Variants in XBP1 observed in about 807,000 individuals in gnomAD.
XBP1 encodes X-box binding protein 1, also known as X-box-binding protein 1.
A neutral mutation model predicts 34.6 loss-of-function variants in XBP1; 18 were observed. That is an observed-to-expected ratio of 0.52 (90% CI 0.36 to 0.77). The LOEUF (loss-of-function observed/expected upper bound fraction) is 0.77, where lower values mean the gene tolerates loss of function less well. XBP1 is among the 30% of genes least tolerant of loss of function. The pLI, the probability that XBP1 is intolerant of heterozygous loss-of-function variation, is 0.00. For synonymous variants in XBP1, 191 were observed against 193.4 expected (o/e 0.99, Z 0.11); for missense variants, 422 against 464.6 (o/e 0.91, Z 0.84).
exon 6 of XBP1, chr22:28,795,659 G>C (rs766130830): frequency 6.2e-7 from 1 of 1,600,242 alleles, no homozygotes; most frequent in Admixed American, 1.7e-5. Context: ...CTCCAGGCTG[G>C]CAGGCTCTGG....
intron 2 of XBP1, 110 bp downstream of exon 2, chr22:28,798,947 A>G (rs1266590521): frequency 2.4e-6 from 2 of 826,990 alleles, no homozygotes; most frequent in Admixed American, 2.5e-5. Context: ...CATATATTCA[A>G]TTGTATTCTA....
chr22:28,799,583 A>G (rs540662777), intron 1 of XBP1, among the ~76,000 whole-genome samples: 2 of 152,232 alleles, frequency 1.3e-5, no homozygotes, highest in East Asian at 1.9e-4. Flanking sequence ...CCCCAGTCCA[A>G]TTTAGAAAAG....
At chr22:28,795,274 G>A (rs1173629878) in exon 6 of XBP1, 6 of 1,551,856 alleles carry the variant, frequency 3.9e-6, no homozygotes, top group Non-Finnish European at 5.2e-6. Flanking sequence ...ATGGGGAAAG[G>A]GAACCCCCGT....
chr22:28,795,086 G>T (rs1387308555), downstream of XBP1: 2 of 1,307,098 alleles, frequency 1.5e-6, no homozygotes, highest in Non-Finnish European at 2.1e-6. Flanking sequence ...CTCTATTTTG[G>T]CTTTTTGAAT....
chr22:28,795,926 T>C (rs1488306449), intron 5 of XBP1, 121 bp downstream of exon 5: 1 of 1,378,080 alleles, frequency 7.3e-7, no homozygotes, highest in East Asian at 2.3e-5. Context: ...TAGTTGATGT[T>C]CACCTCCAAC....
chr22:28,794,978 A>G (rs2031716569), downstream of XBP1: 4 of 429,810 alleles, frequency 9.3e-6, no homozygotes, highest in Non-Finnish European at 1.2e-5. Context: ...TTCCAGTAAT[A>G]TGTCTCAATA....
At position 28,797,302 on chromosome 22, in the gene XBP1, T is replaced by A; in HGVS notation, c.325-97A>T. On this transcript the variant is annotated intron_variant, in intron 2 of 5. Coordinates refer to ENST00000344347, the Ensembl canonical transcript of XBP1. Reference sequence around the variant, plus strand: ...AATTGGTTTCCTTTCCTTCTTGAACTTTTGGAAAACTCTATGCTTGTGGTG... The same window carrying A: ...AATTGGTTTCCTTTCCTTCTTGAACATTTGGAAAACTCTATGCTTGTGGTG... 2.1e-6 allele frequency: 3 copies of A among 1,420,496 alleles called. No individual in the cohort carries two copies. The South Asian group carries it at 3.8e-5, about 18-fold the overall frequency. The allele number at this position is 1,420,496 out of a possible 1,614,324, so 88.0% of individuals were successfully genotyped here. A position where few individuals can be genotyped will look rare whatever the true frequency, so the allele number is the denominator to read the frequency against.
chr22:28,798,123 T>C (rs1403629235), intron 2 of XBP1, among the ~76,000 whole-genome samples: 2 of 152,296 alleles, frequency 1.3e-5, no homozygotes, highest in East Asian at 3.9e-4. Flanking sequence ...CCAGGAAGAA[T>C]GTAAAGTTTA....
chr22:28,799,864 G>C (rs1055937791), intron 1 of XBP1: 3 of 689,776 alleles, frequency 4.3e-6, no homozygotes, highest in Non-Finnish European at 5.4e-6. Context: ...AGCTAGACCA[G>C]TGAGCCTCGC....
At chr22:28,799,679 A>T (rs1164705727) in intron 1 of XBP1, among the ~76,000 whole-genome samples, 2 of 151,634 alleles carry the variant, frequency 1.3e-5, no homozygotes, top group Admixed American at 1.3e-4. Flanking sequence ...TGGAGGAGAC[A>T]CTTTTTTTTT....
chr22:28,796,100 G>C lies in XBP1; in HGVS notation c.520C>G (p.Pro174Ala), dbSNP rs1412083630. 1 of 1,613,990 alleles carries C rather than the reference G, an allele frequency of 6.2e-7. No individual in the cohort carries two copies. Among genetic ancestry groups the C allele is most frequent in the Admixed American group, 1.7e-5 (1 of 59,998 alleles). The change falls in exon 5 of 6, where the codon CCT becomes GCT. Residue 174 changes from proline to alanine, a missense_variant. By Grantham distance (27) the Pro-to-Ala change is conservative. This residue lies in a region of XBP1 where 292 missense variants were observed against 339.9 expected (regional missense o/e 0.86). Coordinates refer to ENST00000344347, the Ensembl canonical transcript of XBP1. ...GAATCCATGGGGAGATGTTCTGGAG[G>C]GGTGACAACTGGGCCTGCACCTGCT...
chr22:28,796,114 C>A, exon 5 of XBP1: 1 of 1,613,898 alleles, frequency 6.2e-7, no homozygotes, highest in Non-Finnish European at 8.5e-7. Context: ...GACAACTGGG[C>A]CTGCACCTGC....
At chr22:28,797,797 G>GATGATA (rs1555948804) in intron 2 of XBP1, among the ~76,000 whole-genome samples, 1 of 149,954 alleles carries the variant, frequency 6.7e-6, no homozygotes, top group Non-Finnish European at 1.5e-5. Context: ...TAATGATGAT[G>GATGATA]ATAATAATAA....
chr22:28,795,209 G>A (rs752750084), exon 6 of XBP1: 1 of 1,528,432 alleles, frequency 6.5e-7, no homozygotes, highest in South Asian at 1.3e-5. Context: ...GAGTTCATTG[G>A]CAAAAGTGTC....
chr22:28,799,278 C>T (rs543239575), intron 1 of XBP1, 125 bp from the exon 2 acceptor site: 7 of 654,388 alleles, frequency 1.1e-5, no homozygotes, highest in Non-Finnish European at 1.8e-5. Context: ...TGATAAAATA[C>T]ACTTCAGGCT....
chr22:28,800,266 G>A, intron 1 of XBP1, 32 bp downstream of exon 1: 1 of 1,547,482 alleles, frequency 6.5e-7, no homozygotes. Context: ...CCCGGCTTCA[G>A]ATCTGGCCCC....
Position 28,800,373 on chromosome 22 carries a change from G to T in XBP1, c.152C>A (p.Ala51Glu), listed in dbSNP as rs771919381. ...GCGCGCCTGGGGCAGCCCCCCGCTC[G>T]CTGCCTCCGGGCTGGCCCCTCTCTG... The change falls in exon 1 of 6, where the codon GCG (alanine) becomes GAG (glutamate). Residue 51 changes from alanine to glutamate, a missense_variant. By Grantham distance (107) the Ala-to-Glu change is moderately radical (BLOSUM62 -1). Around this residue, in one of 3 missense-constraint regions of XBP1, gnomAD observed 121 missense variants for 98.4 expected, o/e 1.23. Transcript: ENST00000344347. The T allele has an allele frequency of 4.5e-6, 7 of 1,539,036 alleles. No homozygotes were observed. Among genetic ancestry groups the T allele is most frequent in the Non-Finnish European group, 6.1e-6 (7 of 1,145,714 alleles).
At chr22:28,799,641 A>G (rs1020747150) in intron 1 of XBP1, among the ~76,000 whole-genome samples, 6 of 152,244 alleles carry the variant, frequency 3.9e-5, no homozygotes, top group Non-Finnish European at 8.8e-5. Context: ...GATCCTAGGC[A>G]GTGACCTGCT....
intron 5 of XBP1, 24 bp from the exon 6 acceptor site, chr22:28,795,756 A>G: frequency 6.6e-7 from 1 of 1,518,392 alleles, no homozygotes; most frequent in Non-Finnish European, 8.8e-7. Context: ...AAATTAAATG[A>G]AGTACAACTG....
Sources: gnomAD v4.1 joint callset for allele counts (sites outside exome capture counted in the v4.1 genomes callset) on GRCh38, gnomAD v4.1.1 for gene constraint, gnomAD v4.1.1 regional missense constraint, MANE v1.5 for transcripts, NCBI Gene and HGNC (gene_info 2026-07-23, HGNC 2026-07-21) for gene names.